SPIDR: variants seen among roughly 807,000 people sequenced by gnomAD.
The protein encoded by SPIDR is DNA repair-scaffolding protein.
Under a neutral mutation model 104.6 loss-of-function variants are expected in SPIDR, and 93 were observed. The ratio of observed to expected loss-of-function variants is 0.89; its 90% CI spans 0.75 to 1.06. SPIDR has a LOEUF of 1.06. Ranked by LOEUF, SPIDR falls within the 50% of genes least tolerant of loss-of-function variation. SPIDR has a pLI of 0.00. For missense variants in SPIDR, 1,154 were observed against 1,111.2 expected (o/e 1.04, Z -0.55); for synonymous variants, 431 against 416.9 (o/e 1.03, Z -0.41).
chr8:47,530,671 A>G (rs766970225), intron 8 of SPIDR, among the ~76,000 whole-genome samples: 55 of 152,288 alleles, frequency 3.6e-4, no homozygotes, highest in Middle Eastern at 3.4e-3. Context: ...ACTATGCACT[A>G]CTGTAGACTT....
chr8:47,429,126 A>G (rs1187273587), intron 7 of SPIDR, among the ~76,000 whole-genome samples: 1 of 152,220 alleles, frequency 6.6e-6, no homozygotes, highest in African/African-American at 2.4e-5. Flanking sequence ...AGAAAATATC[A>G]TAATTTCCAG....
intron 5 of SPIDR, among the ~76,000 whole-genome samples, chr8:47,323,517 T>C (rs1554598154): frequency 6.6e-6 from 1 of 152,194 alleles, no homozygotes; most frequent in African/African-American, 2.4e-5. Flanking sequence ...GCCCTGAGCA[T>C]TGGTGTTGTG....
chr8:47,415,530 G>T (rs1390812778), intron 7 of SPIDR, among the ~76,000 whole-genome samples: 2 of 152,174 alleles, frequency 1.3e-5, no homozygotes, highest in African/African-American at 4.8e-5. Flanking sequence ...GTATTAGGAG[G>T]TAAGTAAGGC....
At chr8:47,360,366 G>T (rs1449888028) in intron 5 of SPIDR, among the ~76,000 whole-genome samples, 1 of 151,620 alleles carries the variant, frequency 6.6e-6, no homozygotes, top group African/African-American at 2.4e-5. Flanking sequence ...ACTATTTCTC[G>T]GTAGTCCCTA....
chr8:47,584,385 G>C (rs1027108001), intron 8 of SPIDR, among the ~76,000 whole-genome samples: 1 of 152,156 alleles, frequency 6.6e-6, no homozygotes, highest in African/African-American at 2.4e-5. Context: ...TAACATTTCT[G>C]CAGAAACAGG....
intron 10 of SPIDR, among the ~76,000 whole-genome samples, chr8:47,657,797 A>G (rs2073128158): frequency 6.6e-6 from 1 of 152,108 alleles, no homozygotes. Flanking sequence ...TGGGAAGCCA[A>G]AGCAGGAAGA....
intron 5 of SPIDR, among the ~76,000 whole-genome samples, chr8:47,376,944 A>G (rs2058728802): frequency 6.6e-6 from 1 of 152,018 alleles, no homozygotes. Context: ...GTACAACCAC[A>G]CTCACTAGTT....
chr8:47,625,803 C>A (rs969783806), intron 10 of SPIDR, among the ~76,000 whole-genome samples: 3 of 152,112 alleles, frequency 2.0e-5, no homozygotes, highest in African/African-American at 7.2e-5. Context: ...ATGAAAATGG[C>A]CATACTGCCC....
chr8:47,345,972 T>C (rs2051903681), intron 5 of SPIDR, among the ~76,000 whole-genome samples: 1 of 152,222 alleles, frequency 6.6e-6, no homozygotes, highest in Admixed American at 6.5e-5. Flanking sequence ...TCTTGCCTGA[T>C]TGCCGTGGCC....
At chr8:47,687,461 TTCAAAGCA>T (rs1189221213) in intron 11 of SPIDR, among the ~76,000 whole-genome samples, 1 of 152,258 alleles carries the variant, frequency 6.6e-6, no homozygotes, top group Non-Finnish European at 1.5e-5. Context: ...TGTTTACCAC[TTCAAAGCA>T]GTGCTGCAAC....
intron 5 of SPIDR, among the ~76,000 whole-genome samples, chr8:47,295,779 G>A (rs1381891713): frequency 6.6e-6 from 1 of 151,982 alleles, no homozygotes; most frequent in Non-Finnish European, 1.5e-5. Flanking sequence ...TATTTTTTTA[G>A]CATACTGATT....
At chr8:47,403,063 A>T (rs1346511015) in intron 6 of SPIDR, among the ~76,000 whole-genome samples, 1 of 152,264 alleles carries the variant, frequency 6.6e-6, no homozygotes, top group African/African-American at 2.4e-5. Flanking sequence ...GCAAATCAGT[A>T]AACGTAATCC....
chr8:47,709,613 T>C (rs1352464762), intron 14 of SPIDR, among the ~76,000 whole-genome samples: 1 of 152,222 alleles, frequency 6.6e-6, no homozygotes, highest in African/African-American at 2.4e-5. Context: ...TTTAGCAATG[T>C]AGTGGTAGTA....
At chr8:47,424,644 CCTT>C (rs35081834) in intron 7 of SPIDR, among the ~76,000 whole-genome samples, 5,303 of 152,250 alleles carry the variant, frequency 0.035, 152 homozygotes, top group Middle Eastern at 0.085. Flanking sequence ...ATGCAAAAAA[CCTT>C]CTTTGTTATA....
chr8:47,441,484 G>C (rs534747042), intron 8 of SPIDR, among the ~76,000 whole-genome samples: 2 of 151,638 alleles, frequency 1.3e-5, no homozygotes, highest in South Asian at 4.2e-4. Context: ...TTTGGTCCTG[G>C]TGATTTCTAC....
At position 47,735,335 on chromosome 8, in the gene SPIDR, A is replaced by C; in HGVS notation, c.2633A>C (p.Lys878Thr). The C allele has an allele frequency of 6.2e-7, 1 of 1,613,854 alleles. No individual in the cohort carries two copies. Among genetic ancestry groups the C allele is most frequent in the Non-Finnish European group, 8.5e-7 (1 of 1,179,894 alleles). Residue 878 changes from lysine to threonine, a missense_variant, in exon 20 of 20, where the codon AAG becomes ACG. Transcript: ENST00000297423. ...TACGAAGTGAAGAGTGTCCTCGGAA[A>C]GGAAGTGGGGTTGTTAAATTGTTTT... ...GSYEVKSVLG[K>T]EVGLLNCFVQ...
At chr8:47,661,419 C>T (rs1447813381) in intron 10 of SPIDR, among the ~76,000 whole-genome samples, 3 of 152,232 alleles carry the variant, frequency 2.0e-5, no homozygotes, top group South Asian at 2.1e-4. Flanking sequence ...TCGCTAGCAG[C>T]GGAGAGTGTG....
At chr8:47,623,861 G>A (rs1225514453) in intron 10 of SPIDR, among the ~76,000 whole-genome samples, 1 of 152,116 alleles carries the variant, frequency 6.6e-6, no homozygotes, top group Admixed American at 6.6e-5. Context: ...TTCAGGAATT[G>A]AACTCAGCTC....
intron 8 of SPIDR, among the ~76,000 whole-genome samples, chr8:47,459,154 T>C (rs1156880028): frequency 1.3e-5 from 2 of 152,154 alleles, no homozygotes; most frequent in Non-Finnish European, 2.9e-5. Flanking sequence ...CCTGGCTTCA[T>C]AGAATGATTT....
Sources: gnomAD v4.1 joint callset for allele counts (sites outside exome capture counted in the v4.1 genomes callset) on GRCh38, gnomAD v4.1.1 for gene constraint, MANE v1.5 for transcripts, NCBI Gene and HGNC (gene_info 2026-07-23, HGNC 2026-07-21) for gene names.